SUMF1: variants seen among roughly 807,000 people sequenced by gnomAD.
SUMF1 encodes formylglycine-generating enzyme.
Under a neutral mutation model 47.6 loss-of-function variants are expected in SUMF1, and 48 were observed. The ratio of observed to expected loss-of-function variants is 1.01; its 90% CI spans 0.80 to 1.28. The LOEUF is 1.28. Among genes scored for constraint, SUMF1 ranks in the 50% most tolerant of loss-of-function variants. SUMF1 has a pLI of 0.00. For synonymous variants in SUMF1, 230 were observed against 192.1 expected, an observed-to-expected ratio of 1.20 and a Z score of -1.63; for missense variants, 571 against 485.4, an observed-to-expected ratio of 1.18 and a Z score of -1.66.
chr3:4,249,413 G>C (rs959998823), intron 8 of SUMF1, among the ~76,000 whole-genome samples: 2 of 151,614 alleles, frequency 1.3e-5, no homozygotes, highest in African/African-American at 4.8e-5. Flanking sequence ...TCTGTGTCAC[G>C]TTTTGGTAAT....
At chr3:4,100,939 A>G (rs1283544747) in intron 8 of SUMF1, among the ~76,000 whole-genome samples, 2 of 152,122 alleles carry the variant, frequency 1.3e-5, no homozygotes, top group Non-Finnish European at 2.9e-5. Flanking sequence ...AATGCAAATT[A>G]AAACCACAGT....
At chr3:4,261,285 C>T (rs899430708) in intron 8 of SUMF1, among the ~76,000 whole-genome samples, 1 of 152,092 alleles carries the variant, frequency 6.6e-6, no homozygotes, top group Non-Finnish European at 1.5e-5. Context: ...TTAACTGGGA[C>T]TTACTTGAAC....
At chr3:4,346,783 A>AG (rs1330187217) in intron 8 of SUMF1, among the ~76,000 whole-genome samples, 1 of 152,212 alleles carries the variant, frequency 6.6e-6, no homozygotes, top group Non-Finnish European at 1.5e-5. Context: ...ATAGACCGCT[A>AG]GCTAGGCTAA....
intron 8 of SUMF1, among the ~76,000 whole-genome samples, chr3:4,321,494 GAAAAA>G (rs1399169147): frequency 9.4e-6 from 1 of 106,398 alleles, no homozygotes; most frequent in Non-Finnish European, 2.0e-5. Context: ...AAAAAAAAAA[GAAAAA>G]GAAAGAAACC....
At chr3:4,463,616 A>T (rs1293733540) in intron 1 of SUMF1, among the ~76,000 whole-genome samples, 1 of 152,214 alleles carries the variant, frequency 6.6e-6, no homozygotes, top group Non-Finnish European at 1.5e-5. Context: ...TCTTTGTAGG[A>T]GGTGGAAAGG....
chr3:4,155,144 A>G (rs994108407), intron 8 of SUMF1, among the ~76,000 whole-genome samples: 13 of 151,502 alleles, frequency 8.6e-5, no homozygotes, highest in Non-Finnish European at 1.9e-4. Context: ...AGCTCCTGAC[A>G]TGAGGCATGC....
At chr3:4,316,507 A>G (rs1249042700) in intron 8 of SUMF1, 2 of 1,596,204 alleles carry the variant, frequency 1.3e-6, no homozygotes, top group South Asian at 1.1e-5. Flanking sequence ...CTCAATGTCA[A>G]CCATTCTACG....
In SUMF1 at chr3:4,347,683, G is replaced by T. The variant is rs570206834; in HGVS notation, c.1014+28647C>A. ...ACATTGTATTGGAAGTTCTGGCCAT[G>T]GCAATCAGGCAAGAGAAAGAAATAA... On this transcript the variant is annotated intron_variant and NMD_transcript_variant, in intron 8 of 12. Coordinates refer to the SUMF1 transcript ENST00000448413. Among the ~76,000 whole-genome samples the T allele has an allele frequency of 1.2e-4, 18 of 152,236 alleles. No individual in the cohort carries two copies. In the South Asian group the frequency reaches 3.7e-3, roughly 32 times the overall value.
At position 4,205,169 on chromosome 3, in the gene SUMF1, G is replaced by A. The variant is rs148137864; in HGVS notation, c.1015-136424C>T. On this transcript the variant is annotated intron_variant and NMD_transcript_variant, in intron 8 of 12. Transcript: ENST00000448413. ...TGATTTGTTACTGCCCCACCTAACT[G>A]ATCAATGTACTTTGCAATCTTCCCC... Among the ~76,000 whole-genome samples the A allele has an allele frequency of 3.0e-3, 458 of 152,208 alleles. 3 individuals carry two copies. Among genetic ancestry groups the A allele is most frequent in the African/African-American group, 0.01 (426 of 41,526 alleles).
chr3:4,461,233 G>A (rs1335429865), intron 1 of SUMF1, among the ~76,000 whole-genome samples: 1 of 152,058 alleles, frequency 6.6e-6, no homozygotes, highest in East Asian at 1.9e-4. Flanking sequence ...GTAGGTCAAG[G>A]ACCGAACTAG....
chr3:4,277,994 G>C (rs1162406897), intron 8 of SUMF1, among the ~76,000 whole-genome samples: 2 of 152,064 alleles, frequency 1.3e-5, no homozygotes, highest in Non-Finnish European at 2.9e-5. Flanking sequence ...ATTATGTAGA[G>C]AATGTTTGAA....
At chr3:4,321,050 TAAAC>T (rs1429526629) in intron 8 of SUMF1, among the ~76,000 whole-genome samples, 1 of 152,148 alleles carries the variant, frequency 6.6e-6, no homozygotes, top group African/African-American at 2.4e-5. Context: ...ATACTGGAAT[TAAAC>T]AAATTGATGG....
At chr3:4,158,449 A>C (rs1467078209) in intron 8 of SUMF1, among the ~76,000 whole-genome samples, 1 of 151,418 alleles carries the variant, frequency 6.6e-6, no homozygotes, top group Non-Finnish European at 1.5e-5. Context: ...ATGTTATATA[A>C]ATATCTATTA....
rs375616050 is a variant in SUMF1 at position 4,388,727 on chromosome 3, CTT to C, written c.955-12340_955-12339del. Reference sequence around the variant, plus strand: ...AACTATTGTGCTTTTGAGCATACCTCTTTGTGTAGCTTTTTTAGTGGCTGCTA... The same window carrying C: ...AACTATTGTGCTTTTGAGCATACCTCTGTGTAGCTTTTTTAGTGGCTGCTA... On this transcript the variant is annotated intron_variant, in intron 7 of 8. Transcript: ENST00000272902. Among the ~76,000 whole-genome samples the C allele has an allele frequency of 3.2e-3, 492 of 152,072 alleles. 3 individuals carry two copies. The highest frequency in any genetic ancestry group is 0.01 in the Middle Eastern group (3 of 294).
chr3:4,237,888 AT>A (rs1696445157), intron 8 of SUMF1, among the ~76,000 whole-genome samples: 1 of 152,086 alleles, frequency 6.6e-6, no homozygotes. Context: ...CCATCAACTC[AT>A]CATCTACATT....
chr3:4,258,474 A>T (rs1400965367), intron 8 of SUMF1, among the ~76,000 whole-genome samples: 1 of 143,204 alleles, frequency 7.0e-6, no homozygotes, highest in South Asian at 2.1e-4. Context: ...ACACTTCTCA[A>T]AAGAAGACAT....
intron 8 of SUMF1, among the ~76,000 whole-genome samples, chr3:4,268,636 A>T (rs1575038155): frequency 6.6e-6 from 1 of 151,714 alleles, no homozygotes; most frequent in South Asian, 2.1e-4. Context: ...AATAGCAACC[A>T]GGTTTAATAT....
intron 8 of SUMF1, among the ~76,000 whole-genome samples, chr3:4,140,694 T>A (rs1461353255): frequency 6.6e-6 from 1 of 152,038 alleles, no homozygotes; most frequent in Non-Finnish European, 1.5e-5. Context: ...TTATGTAGTA[T>A]ATTTCTCCCC....
intron 8 of SUMF1, among the ~76,000 whole-genome samples, chr3:4,273,887 C>G (rs1041013322): frequency 1.5e-5 from 2 of 133,094 alleles, no homozygotes; most frequent in Non-Finnish European, 3.2e-5. Flanking sequence ...GTGGCCGACT[C>G]TGATCAGTGT....
Sources: allele counts gnomAD v4.1 joint callset (sites outside exome capture counted in the v4.1 genomes callset), GRCh38; gene constraint gnomAD v4.1.1; transcripts MANE v1.5; gene names NCBI Gene and HGNC (gene_info 2026-07-23, HGNC 2026-07-21).